Variants in KLHL1 observed in about 807,000 individuals in gnomAD.
KLHL1 encodes the protein kelch-like protein 1.
Under a neutral mutation model 77.7 loss-of-function variants are expected in KLHL1, and 47 were observed. The observed-to-expected ratio is 0.60, with a 90% CI of 0.48 to 0.77. The LOEUF (loss-of-function observed/expected upper bound fraction) is 0.77. KLHL1 is among the 30% of genes least tolerant of loss of function. The pLI is 0.00. For synonymous variants in KLHL1, 360 were observed against 325.2 expected, an observed-to-expected ratio of 1.11 and a Z score of -1.15; for missense variants, 925 against 910.8, an observed-to-expected ratio of 1.02 and a Z score of -0.20.
chr13:70,071,540 A>G (rs535968559), intron 1 of KLHL1, among the ~76,000 whole-genome samples: 1 of 152,230 alleles, frequency 6.6e-6, no homozygotes, highest in South Asian at 2.1e-4. Context: ...TCAAGCTCAC[A>G]TGAAACACTC....
chr13:69,921,140 A>T (rs894902229), intron 4 of KLHL1, among the ~76,000 whole-genome samples: 1 of 152,232 alleles, frequency 6.6e-6, no homozygotes, highest in African/African-American at 2.4e-5. Flanking sequence ...CAATTATAAT[A>T]GCATTTTCTT....
intron 5 of KLHL1, among the ~76,000 whole-genome samples, chr13:69,863,579 AT>A (rs902807349): frequency 3.3e-5 from 5 of 151,038 alleles, no homozygotes; most frequent in African/African-American, 7.3e-5. Context: ...TGAATTTATG[AT>A]TTTTTTTTGC....
At chr13:69,852,843 T>C (rs1879746813) in intron 5 of KLHL1, among the ~76,000 whole-genome samples, 1 of 152,116 alleles carries the variant, frequency 6.6e-6, no homozygotes, top group Non-Finnish European at 1.5e-5. Flanking sequence ...TTCAAACATC[T>C]TTACTGAGAA....
chr13:70,037,579 G>A (rs951124068), intron 1 of KLHL1, among the ~76,000 whole-genome samples: 1 of 151,670 alleles, frequency 6.6e-6, no homozygotes, highest in Non-Finnish European at 1.5e-5. Flanking sequence ...TTTTACCTTG[G>A]TATCTTTTTG....
intron 4 of KLHL1, among the ~76,000 whole-genome samples, chr13:69,922,913 C>A (rs992752641): frequency 6.6e-6 from 1 of 151,942 alleles, no homozygotes; most frequent in Non-Finnish European, 1.5e-5. Context: ...CTCTCAATTT[C>A]AAATATTATA....
At chr13:69,829,109 T>C (rs1878662135) in intron 6 of KLHL1, among the ~76,000 whole-genome samples, 1 of 150,620 alleles carries the variant, frequency 6.6e-6, no homozygotes, top group East Asian at 1.9e-4. Context: ...TTCCACCTCC[T>C]GGCTGGAGGC....
At chr13:69,714,842 TCTC>T (rs1876045108) in intron 9 of KLHL1, among the ~76,000 whole-genome samples, 2 of 152,146 alleles carry the variant, frequency 1.3e-5, no homozygotes, top group Admixed American at 1.3e-4. Context: ...AATCCACAGT[TCTC>T]AGCCTCCAAA....
Position 69,839,817 on chromosome 13 carries a change from G to T in KLHL1, c.1228-655C>A, listed in dbSNP as rs142030539. ...TTGTGTCTATTTTTTGCTATAATAG[G>T]TTATTGTCTCTGCAAATTATTTTGT... is the stretch of plus-strand genomic sequence containing the variant. On this transcript the variant is annotated intron_variant, in intron 5 of 10. Coordinates refer to ENST00000377844, the MANE Select transcript of KLHL1 (RefSeq NM_020866.3). Among the ~76,000 whole-genome samples, 435 of 152,026 alleles carry T rather than the reference G, an allele frequency of 2.9e-3. 3 individuals are homozygous for T. Among genetic ancestry groups the T allele is most frequent in the African/African-American group, 0.01 (418 of 41,526 alleles).
At chr13:69,926,681 C>T (rs1413549160) in intron 4 of KLHL1, among the ~76,000 whole-genome samples, 1 of 151,922 alleles carries the variant, frequency 6.6e-6, no homozygotes, top group African/African-American at 2.4e-5. Context: ...GGCGCGGTAG[C>T]TCAAGCCTGT....
chr13:69,878,724 AG>A (rs1372466278), intron 5 of KLHL1, among the ~76,000 whole-genome samples: 16 of 151,998 alleles, frequency 1.1e-4, no homozygotes, highest in Non-Finnish European at 2.2e-4. Flanking sequence ...AGAGAGAGAG[AG>A]AGAGAGAGAG....
intron 1 of KLHL1, among the ~76,000 whole-genome samples, chr13:70,051,650 C>A (rs1056101809): frequency 6.6e-6 from 1 of 151,966 alleles, no homozygotes; most frequent in Non-Finnish European, 1.5e-5. Context: ...AATGTTCAAA[C>A]GTAAGTTTAT....
chr13:70,015,104 A>G (rs1885625779), intron 1 of KLHL1, among the ~76,000 whole-genome samples: 1 of 152,180 alleles, frequency 6.6e-6, no homozygotes, highest in African/African-American at 2.4e-5. Flanking sequence ...GTACAAACAC[A>G]CACATATACA....
chr13:70,096,544 A>G (rs957072485), intron 1 of KLHL1, among the ~76,000 whole-genome samples: 36 of 151,856 alleles, frequency 2.4e-4, no homozygotes, highest in African/African-American at 8.0e-4. Flanking sequence ...GATTAATTTG[A>G]TTATTAATAT....
intron 5 of KLHL1, among the ~76,000 whole-genome samples, chr13:69,875,585 T>G (rs1233819858): frequency 6.6e-6 from 1 of 152,154 alleles, no homozygotes; most frequent in East Asian, 1.9e-4. Flanking sequence ...AACATGTATA[T>G]GTATGAGGAG....
chr13:69,920,927 C>G (rs1882612147), intron 4 of KLHL1, among the ~76,000 whole-genome samples: 1 of 152,118 alleles, frequency 6.6e-6, no homozygotes, highest in Non-Finnish European at 1.5e-5. Context: ...GTCATAAATG[C>G]TAACTTCTAT....
At chr13:69,879,237 T>A (rs1173172083) in intron 5 of KLHL1, among the ~76,000 whole-genome samples, 1 of 152,126 alleles carries the variant, frequency 6.6e-6, no homozygotes, top group Non-Finnish European at 1.5e-5. Context: ...ATTATGTGAT[T>A]ACTTCAGTAG....
At chr13:69,715,702 A>G (rs1420024745) in intron 9 of KLHL1, among the ~76,000 whole-genome samples, 1 of 152,056 alleles carries the variant, frequency 6.6e-6, no homozygotes, top group Non-Finnish European at 1.5e-5. Flanking sequence ...AGCAAACATT[A>G]TGAATGCACA....
At chr13:69,713,521 A>T (rs2137883404) in intron 9 of KLHL1, among the ~76,000 whole-genome samples, 1 of 152,180 alleles carries the variant, frequency 6.6e-6, no homozygotes, top group South Asian at 2.1e-4. Flanking sequence ...ACTTATTCAG[A>T]TATTCATTTA....
At chr13:69,797,014 A>T (rs749657805) in intron 6 of KLHL1, 52 bp from the exon 7 acceptor site, 3 of 1,422,368 alleles carry the variant, frequency 2.1e-6, no homozygotes, top group Non-Finnish European at 3.0e-6. Flanking sequence ...TTCAACAAAC[A>T]GCCTGCCAAA....
Sources: gnomAD v4.1 joint callset for allele counts (sites outside exome capture counted in the v4.1 genomes callset) on GRCh38, gnomAD v4.1.1 for gene constraint, MANE v1.5 for transcripts, NCBI Gene and HGNC (gene_info 2026-07-23, HGNC 2026-07-21) for gene names.